Variants in GRID2 observed in about 807,000 individuals in gnomAD.
GRID2 encodes glutamate ionotropic receptor delta type subunit 2.
Under a neutral mutation model 114.8 loss-of-function variants are expected in GRID2, and 33 were observed. The ratio of observed to expected loss-of-function variants is 0.29; its 90% CI spans 0.22 to 0.38. GRID2 has a LOEUF of 0.38. GRID2 is among the 10% of genes least tolerant of loss of function. GRID2 has a pLI of 1.00. For synonymous variants in GRID2, 505 were observed against 449.9 expected (o/e 1.12, Z -1.55); for missense variants, 1,184 against 1,257.7 (o/e 0.94, Z 0.89).
chr4:93,342,123 A>G (rs1165986888), intron 8 of GRID2, among the ~76,000 whole-genome samples: 5 of 152,168 alleles, frequency 3.3e-5, no homozygotes, highest in Non-Finnish European at 7.3e-5. Context: ...ATATCACTCT[A>G]CTACTAAAAA....
chr4:93,208,366 T>C (rs963160568), intron 5 of GRID2, among the ~76,000 whole-genome samples: 4 of 152,058 alleles, frequency 2.6e-5, no homozygotes, highest in South Asian at 2.1e-4. Context: ...TTTGGACAAG[T>C]ATAATAACAA....
chr4:93,300,774 A>G (rs913738965), intron 8 of GRID2, among the ~76,000 whole-genome samples: 3 of 152,184 alleles, frequency 2.0e-5, no homozygotes, highest in Non-Finnish European at 4.4e-5. Context: ...AGCTCCCCAA[A>G]TGCACAATTT....
chr4:93,728,804 G>T (rs1416493445), intron 14 of GRID2, among the ~76,000 whole-genome samples: 1 of 151,942 alleles, frequency 6.6e-6, no homozygotes, highest in African/African-American at 2.4e-5. Flanking sequence ...GACTAGGATT[G>T]CAACCCCTGC....
At chr4:93,756,814 G>C (rs1732790385) in intron 14 of GRID2, among the ~76,000 whole-genome samples, 1 of 152,192 alleles carries the variant, frequency 6.6e-6, no homozygotes, top group South Asian at 2.1e-4. Flanking sequence ...TTTATTGAGT[G>C]AATACAGAAG....
intron 13 of GRID2, among the ~76,000 whole-genome samples, chr4:93,548,641 C>A (rs1479747587): frequency 6.6e-6 from 1 of 152,086 alleles, no homozygotes. Flanking sequence ...AGTCTGTACA[C>A]TTATATACCA....
chr4:93,792,684 C>T (rs1387043006), intron 1 of GRID2, among the ~76,000 whole-genome samples: 1 of 152,062 alleles, frequency 6.6e-6, no homozygotes, highest in African/African-American at 2.4e-5. Flanking sequence ...AACATCAGGT[C>T]CAAATAGACA....
chr4:92,329,216 A>T (rs1332594421), intron 1 of GRID2, among the ~76,000 whole-genome samples: 1 of 152,046 alleles, frequency 6.6e-6, no homozygotes, highest in African/African-American at 2.4e-5. Context: ...AAAATTCTTA[A>T]ACTTTTTTTT....
chr4:92,753,612 C>A (rs943243895), intron 2 of GRID2, among the ~76,000 whole-genome samples: 6 of 152,126 alleles, frequency 3.9e-5, no homozygotes, highest in African/African-American at 9.7e-5. Context: ...TGAGTCAGAA[C>A]AAGTGTGCAG....
chr4:93,523,234 T>C (rs546235033), intron 13 of GRID2, among the ~76,000 whole-genome samples: 2 of 152,226 alleles, frequency 1.3e-5, no homozygotes, highest in East Asian at 3.9e-4. Flanking sequence ...GATAAGTACA[T>C]TCTACTTAGC....
At chr4:93,542,292 T>C (rs879649382) in intron 13 of GRID2, among the ~76,000 whole-genome samples, 1 of 152,166 alleles carries the variant, frequency 6.6e-6, no homozygotes, top group African/African-American at 2.4e-5. Flanking sequence ...TTTACTATCC[T>C]GTACCCAGCC....
At chr4:93,188,835 T>C (rs533379852) in intron 4 of GRID2, among the ~76,000 whole-genome samples, 3 of 152,302 alleles carry the variant, frequency 2.0e-5, no homozygotes, top group Non-Finnish European at 4.4e-5. Flanking sequence ...CACGATTCAG[T>C]CAAGTTCCTT....
intron 1 of GRID2, among the ~76,000 whole-genome samples, chr4:92,339,099 T>C (rs1040298720): frequency 5.3e-5 from 8 of 152,134 alleles, no homozygotes; most frequent in African/African-American, 1.9e-4. Context: ...AATTGTTATA[T>C]GAGAAAGCAT....
At chr4:93,357,718 G>A (rs1761483481) in intron 8 of GRID2, among the ~76,000 whole-genome samples, 2 of 151,496 alleles carry the variant, frequency 1.3e-5, no homozygotes, top group South Asian at 2.1e-4. Context: ...CTTTAAATAT[G>A]TAAAGGATCT....
intron 13 of GRID2, among the ~76,000 whole-genome samples, chr4:93,592,968 G>A (rs1163465529): frequency 1.3e-5 from 2 of 151,048 alleles, no homozygotes; most frequent in Admixed American, 1.3e-4. Flanking sequence ...CGTGAGATGG[G>A]TTTCCTGAAT....
intron 2 of GRID2, among the ~76,000 whole-genome samples, chr4:92,914,155 T>G (rs1748604799): frequency 6.6e-6 from 1 of 152,140 alleles, no homozygotes; most frequent in African/African-American, 2.4e-5. Flanking sequence ...CACTTTGCAT[T>G]AAACAATTGT....
intron 12 of GRID2, among the ~76,000 whole-genome samples, chr4:93,513,351 A>G (rs1178944189): frequency 1.3e-5 from 2 of 152,200 alleles, no homozygotes; most frequent in African/African-American, 2.4e-5. Flanking sequence ...TTTATAATAC[A>G]GTTTTACTGA....
At chr4:93,389,877 C>A (rs1764683685) in intron 8 of GRID2, among the ~76,000 whole-genome samples, 1 of 151,794 alleles carries the variant, frequency 6.6e-6, no homozygotes, top group Non-Finnish European at 1.5e-5. Context: ...CAACCTCCAT[C>A]TCCCAGGTTC....
intron 2 of GRID2, among the ~76,000 whole-genome samples, chr4:92,669,032 G>A (rs1051082245): frequency 4.0e-5 from 6 of 151,686 alleles, no homozygotes; most frequent in East Asian, 3.9e-4. Context: ...TCACTCTTGC[G>A]ATGTCATTTA....
At chr4:92,718,169 A>G (rs1735636288) in intron 2 of GRID2, among the ~76,000 whole-genome samples, 2 of 152,098 alleles carry the variant, frequency 1.3e-5, no homozygotes. Context: ...GAAAAATTTG[A>G]GACTATTTTG....
Sources: allele counts gnomAD v4.1 joint callset (sites outside exome capture counted in the v4.1 genomes callset), GRCh38; gene constraint gnomAD v4.1.1; transcripts MANE v1.5; gene names NCBI Gene and HGNC (gene_info 2026-07-23, HGNC 2026-07-21).